The following DLG2 variants were observed in gnomAD, a reference collection of about 807,000 sequenced individuals.
DLG2 encodes disks large homolog 2.
In DLG2, 45 loss-of-function variants were observed where a neutral mutation model predicts 132.5. That is an observed-to-expected ratio of 0.34 (90% CI 0.27 to 0.44). The LOEUF (loss-of-function observed/expected upper bound fraction) is 0.44. Ranked by LOEUF, DLG2 falls within the 20% of genes least tolerant of loss-of-function variation. The probability of loss-of-function intolerance (pLI) is 1.00; values close to 1 mark genes in which losing one functional copy is unlikely to be tolerated. For synonymous variants in DLG2, 424 were observed against 419.6 expected (o/e 1.01, Z -0.13); for missense variants, 1,045 against 1,196.9 (o/e 0.87, Z 1.87).
At chr11:84,647,078 T>G (rs535653215) in intron 6 of DLG2, among the ~76,000 whole-genome samples, 2 of 152,046 alleles carry the variant, frequency 1.3e-5, no homozygotes, top group Non-Finnish European at 2.9e-5. Flanking sequence ...ACATAATATA[T>G]TATCTAAATC....
intron 7 of DLG2, among the ~76,000 whole-genome samples, chr11:84,461,624 A>G (rs2099080307): frequency 6.6e-6 from 1 of 151,078 alleles, no homozygotes. Context: ...TCAGGACTTC[A>G]TTGAAGACTT....
chr11:85,245,465 T>C (rs927275692), intron 4 of DLG2, among the ~76,000 whole-genome samples: 3 of 151,922 alleles, frequency 2.0e-5, no homozygotes, highest in African/African-American at 7.2e-5. Context: ...ACCTTCAGAA[T>C]ATATTGAGAA....
chr11:84,874,052 A>T (rs1385001604), intron 6 of DLG2, among the ~76,000 whole-genome samples: 1 of 152,230 alleles, frequency 6.6e-6, no homozygotes, highest in East Asian at 1.9e-4. Flanking sequence ...CTAAACCCTC[A>T]CATCTTTTGT....
At chr11:85,421,752 T>C (rs999096054) in intron 3 of DLG2, among the ~76,000 whole-genome samples, 6 of 152,142 alleles carry the variant, frequency 3.9e-5, no homozygotes, top group Admixed American at 6.5e-5. Context: ...TTTTTGTTTT[T>C]CTTGAATTGT....
chr11:84,991,704 T>C (rs1339414672), intron 6 of DLG2, among the ~76,000 whole-genome samples: 1 of 152,134 alleles, frequency 6.6e-6, no homozygotes. Context: ...GGTGCTGATA[T>C]TGTACTACAG....
At chr11:84,981,608 C>T (rs185703570) in intron 6 of DLG2, among the ~76,000 whole-genome samples, 4 of 151,980 alleles carry the variant, frequency 2.6e-5, no homozygotes, top group African/African-American at 9.7e-5. Flanking sequence ...TTCCTAAAGT[C>T]GAGAAATACT....
intron 17 of DLG2, among the ~76,000 whole-genome samples, chr11:83,810,991 G>A (rs1243617804): frequency 6.6e-6 from 1 of 152,036 alleles, no homozygotes; most frequent in Non-Finnish European, 1.5e-5. Flanking sequence ...ACGCTAACTG[G>A]TATTGTATTT....
chr11:83,870,674 T>A (rs1021196963), intron 16 of DLG2, among the ~76,000 whole-genome samples: 2 of 152,202 alleles, frequency 1.3e-5, no homozygotes, highest in African/African-American at 4.8e-5. Context: ...ATTCAATTTT[T>A]TCTGAGAAGA....
At chr11:84,644,025 T>A (rs548294079) in intron 6 of DLG2, among the ~76,000 whole-genome samples, 2 of 152,310 alleles carry the variant, frequency 1.3e-5, no homozygotes, top group Non-Finnish European at 2.9e-5. Flanking sequence ...ACAGAGCTGG[T>A]AAGTGGTAGA....
At chr11:85,611,359 C>G (rs539742726) in intron 2 of DLG2, among the ~76,000 whole-genome samples, 218 of 152,336 alleles carry the variant, frequency 1.4e-3, no homozygotes, top group Middle Eastern at 3.4e-3. Context: ...AGGCACTACT[C>G]CTTGAAGGAC....
chr11:85,398,760 G>T (rs944587440), intron 3 of DLG2, among the ~76,000 whole-genome samples: 4 of 151,960 alleles, frequency 2.6e-5, no homozygotes, highest in African/African-American at 9.7e-5. Flanking sequence ...CCAATAACAG[G>T]TTCCAAAATT....
chr11:84,009,380 A>G (rs1487543481), intron 11 of DLG2, among the ~76,000 whole-genome samples: 1 of 152,098 alleles, frequency 6.6e-6, no homozygotes, highest in Non-Finnish European at 1.5e-5. Context: ...ATATCCATAA[A>G]GATGCTAACT....
At chr11:84,605,958 T>A (rs1321807424) in intron 6 of DLG2, among the ~76,000 whole-genome samples, 2 of 152,054 alleles carry the variant, frequency 1.3e-5, no homozygotes, top group Admixed American at 6.6e-5. Context: ...ATTCTAGTCA[T>A]AACTGACCTC....
intron 6 of DLG2, among the ~76,000 whole-genome samples, chr11:84,890,171 G>C (rs1427998187): frequency 2.6e-5 from 4 of 152,154 alleles, no homozygotes; most frequent in African/African-American, 9.7e-5. Flanking sequence ...ATAAAGGATT[G>C]ATTGAATTAT....
intron 7 of DLG2, among the ~76,000 whole-genome samples, chr11:84,444,946 G>T (rs1330297510): frequency 6.6e-6 from 1 of 152,012 alleles, no homozygotes. Flanking sequence ...GGGATTACAG[G>T]CACGTGCCAC....
intron 3 of DLG2, among the ~76,000 whole-genome samples, chr11:85,597,275 C>T (rs943717325): frequency 6.6e-6 from 1 of 152,082 alleles, no homozygotes; most frequent in Non-Finnish European, 1.5e-5. Context: ...TCTCAAAAGA[C>T]TTAGCCAGTC....
intron 5 of DLG2, among the ~76,000 whole-genome samples, chr11:85,153,565 A>T (rs2077403490): frequency 6.6e-6 from 1 of 152,210 alleles, no homozygotes; most frequent in Non-Finnish European, 1.5e-5. Context: ...GGTTTATTTA[A>T]ACACAGAAGA....
intron 8 of DLG2, among the ~76,000 whole-genome samples, chr11:84,173,322 C>A (rs902141534): frequency 3.3e-5 from 5 of 152,136 alleles, no homozygotes; most frequent in Non-Finnish European, 7.3e-5. Flanking sequence ...TTAAATATTT[C>A]ATGAGTTTGT....
chr11:83,620,973 CTTACT>C (rs1490392110), intron 19 of DLG2, among the ~76,000 whole-genome samples: 3 of 149,600 alleles, frequency 2.0e-5, no homozygotes, highest in Middle Eastern at 3.5e-3. Context: ...CATCATGATG[CTTACT>C]TTAATTTTTT....
Sources: gnomAD v4.1 joint callset for allele counts (sites outside exome capture counted in the v4.1 genomes callset) on GRCh38, gnomAD v4.1.1 for gene constraint, MANE v1.5 for transcripts, NCBI Gene and HGNC (gene_info 2026-07-23, HGNC 2026-07-21) for gene names.